Variants in KDR observed in about 807,000 individuals in gnomAD.
The protein encoded by KDR is vascular endothelial growth factor receptor 2.
Under a neutral mutation model 160.9 loss-of-function variants are expected in KDR, and 43 were observed. The ratio of observed to expected loss-of-function variants is 0.27; its 90% CI spans 0.21 to 0.34. KDR has a LOEUF of 0.34. Ranked by LOEUF, KDR falls within the 10% of genes least tolerant of loss-of-function variation. KDR has a pLI of 1.00. For missense variants in KDR, 1,469 were observed against 1,666.4 expected (o/e 0.88, Z 2.06); for synonymous variants, 617 against 600.1 (o/e 1.03, Z -0.41).
chr4:55,113,256 T>A, intron 7 of KDR, 48 bp downstream of exon 7: 5 of 1,574,056 alleles, frequency 3.2e-6, no homozygotes, highest in Non-Finnish European at 4.4e-6. Context: ...TTTATTTAAA[T>A]TATCTCACTT....
chr4:55,092,793 T>A, intron 21 of KDR, 79 bp from the exon 22 acceptor site: 1 of 1,016,310 alleles, frequency 9.8e-7, no homozygotes, highest in East Asian at 2.5e-5. Flanking sequence ...AGAGTAATAA[T>A]CTTTTTAAGA....
rs1280990799 is a variant in KDR at position 55,110,761 on chromosome 4, A to C, written c.984T>G (p.Pro328=). ...NSTFVRVHEK[P]FVAFGSGMES... ...CCATGCCACTTCCAAAAGCAACAAA[A>C]GGTTTTTCTGGAAGAAAATAAAAAA... The change falls in exon 8 of 30, where the codon CCT becomes CCG. Residue 328 remains proline (P), a synonymous_variant. Coordinates refer to ENST00000263923, the MANE Select transcript of KDR (RefSeq NM_002253.4). 1 of 1,598,560 alleles carries C rather than the reference A, an allele frequency of 6.3e-7. No individual in the cohort carries two copies. The highest frequency in any genetic ancestry group is 2.3e-5 in the East Asian group (1 of 44,366).
intron 26 of KDR, among the ~76,000 whole-genome samples, chr4:55,088,664 C>T (rs1464593680): frequency 1.3e-5 from 2 of 152,080 alleles, no homozygotes; most frequent in African/African-American, 4.8e-5. Flanking sequence ...GTGGTCTGCT[C>T]CCGGGTTATA....
chr4:55,098,388 A>G (rs1720216044), intron 16 of KDR, 116 bp from the exon 17 acceptor site: 1 of 1,278,324 alleles, frequency 7.8e-7, no homozygotes, highest in South Asian at 1.3e-5. Context: ...AATAAAACTC[A>G]TGGAGTTTGA....
At position 55,108,100 on chromosome 4, in the gene KDR, C is replaced by T. The variant is rs189959456; in HGVS notation, c.1256-207G>A. Among the ~76,000 whole-genome samples the T allele has an allele frequency of 4.7e-3, 714 of 151,614 alleles. 5 individuals carry two copies. Among genetic ancestry groups the T allele is most frequent in the Non-Finnish European group, 7.4e-3 (502 of 67,908 alleles). On this transcript the variant is annotated intron_variant, in intron 9 of 29. Coordinates refer to ENST00000263923, the MANE Select transcript of KDR (RefSeq NM_002253.4). Reference sequence around the variant, plus strand: ...AACTAGCCAGGCATGGGGGCTTATGCCTGTAATCTCAGTATTTTGGGACGC... The same window carrying T: ...AACTAGCCAGGCATGGGGGCTTATGTCTGTAATCTCAGTATTTTGGGACGC...
chr4:55,105,002 T>C lies in KDR; in HGVS notation c.1646-18A>G, dbSNP rs765117072. 18 of 1,598,590 alleles carry C rather than the reference T, an allele frequency of 1.1e-5. No homozygotes were observed. The African/African-American group carries it at 1.7e-4, about 15-fold the overall frequency. On this transcript the variant is annotated intron_variant, in intron 12 of 29. Coordinates refer to ENST00000263923, the MANE Select transcript of KDR (RefSeq NM_002253.4). Reference sequence around the variant, plus strand: ...AGGACCCCCTAAAATGAAGAGGCCATAGTTATTGAATGGTGATTTAACTTG... The same window carrying C: ...AGGACCCCCTAAAATGAAGAGGCCACAGTTATTGAATGGTGATTTAACTTG...
intron 15 of KDR, 74 bp from the exon 16 acceptor site, chr4:55,098,877 G>T: frequency 1.8e-6 from 2 of 1,135,222 alleles, no homozygotes; most frequent in Non-Finnish European, 1.3e-6. Context: ...ACAAATTTTA[G>T]CACTAAAGCA....
Position 55,092,647 on chromosome 4 carries a change from A to T in KDR, c.3039T>A (p.Ala1013=), listed in dbSNP as rs1305887197. ...GCGATGCCAAGAACTCCATGCCCTTAGCCACTTGGAAGCTGTAACAGATGA... is the reference window on the plus strand; with the variant it reads ...GCGATGCCAAGAACTCCATGCCCTTTGCCACTTGGAAGCTGTAACAGATGA... ...EHLICYSFQV[A]KGMEFLASRK... The change falls in exon 22 of 30, where the codon GCT becomes GCA. Residue 1013 remains alanine, a synonymous_variant. Transcript: ENST00000263923. 1.2e-6 allele frequency: 2 copies of T among 1,613,760 alleles called. No homozygotes were observed. Among genetic ancestry groups the T allele is most frequent in the East Asian group, 2.2e-5 (1 of 44,890 alleles).
intron 1 of KDR, 97 bp from the exon 2 acceptor site, chr4:55,121,287 C>T: frequency 4.9e-6 from 4 of 822,840 alleles, no homozygotes. Context: ...CTTTAAAAGG[C>T]CTCTTCAGCA....
At position 55,079,106 on chromosome 4, in the gene KDR, A is replaced by C. The variant is rs1719656401; in HGVS notation, c.*835T>G. The C allele has an allele frequency of 4.3e-6, 1 of 233,398 alleles. No individual in the cohort carries two copies. The highest frequency in any genetic ancestry group is 8.5e-6 in the Non-Finnish European group (1 of 118,152). The allele number at this position is 233,398 out of a possible 1,614,324, so 14.5% of individuals were successfully genotyped here. On this transcript the variant is annotated 3_prime_UTR_variant, in exon 30 of 30. Transcript: ENST00000263923. ...CTGGTTTGTGCAGTCAGAACTCTTC[A>C]ACACGGCAGGGAGCCTTGAGCTGAA...
intron 26 of KDR, 36 bp from the exon 27 acceptor site, chr4:55,087,794 T>C (rs1033021479): frequency 3.0e-5 from 48 of 1,610,106 alleles, no homozygotes; most frequent in Non-Finnish European, 3.9e-5. Context: ...TTGTTATGGC[T>C]TCAGTTCTTC....
At chr4:55,120,571 C>A (rs571938589) in intron 2 of KDR, among the ~76,000 whole-genome samples, 2 of 152,148 alleles carry the variant, frequency 1.3e-5, no homozygotes, top group African/African-American at 4.8e-5. Flanking sequence ...ATCATGCGCT[C>A]AGTAATATTA....
rs1221512320 is a variant in KDR, at chr4:55,107,718, A to G, written c.1412+19T>C. The G allele has an allele frequency of 6.2e-7, 1 of 1,613,740 alleles. No individual in the cohort carries two copies. The highest frequency in any genetic ancestry group is 8.5e-7 in the Non-Finnish European group (1 of 1,179,696). ...AATGCAAGATGGCAGGAAAGCAAAG[A>G]GCATGTGGCCTTACTCACCTGGGCT... is the stretch of plus-strand genomic sequence containing the variant. On this transcript the variant is annotated intron_variant, in intron 10 of 29. Coordinates refer to ENST00000263923, the MANE Select transcript of KDR (RefSeq NM_002253.4).
At chr4:55,109,022 T>A (rs917294981) in intron 9 of KDR, among the ~76,000 whole-genome samples, 3 of 152,084 alleles carry the variant, frequency 2.0e-5, no homozygotes, top group Non-Finnish European at 4.4e-5. Flanking sequence ...TTATACACTT[T>A]CCAGTTTCTC....
At position 55,079,183 on chromosome 4, in the gene KDR, G is replaced by C; in HGVS notation, c.*758C>G. 1 of 233,502 alleles carries C rather than the reference G, an allele frequency of 4.3e-6. No individual in the cohort carries two copies. The allele number at this position is 233,502 out of a possible 1,614,324, so 14.5% of individuals were successfully genotyped here. On this transcript the variant is annotated 3_prime_UTR_variant, in exon 30 of 30. Coordinates refer to ENST00000263923, the MANE Select transcript of KDR (RefSeq NM_002253.4). ...AAAGGATCAGCCTGGGAGACAAGGA[G>C]CCAGAGCTGCATCATTTCCTTCCTG...
At chr4:55,121,883 T>G (rs1463188406) in intron 1 of KDR, among the ~76,000 whole-genome samples, 1 of 151,992 alleles carries the variant, frequency 6.6e-6, no homozygotes, top group Non-Finnish European at 1.5e-5. Context: ...ATTAATATAC[T>G]TTTCTGTCTA....
intron 22 of KDR, among the ~76,000 whole-genome samples, chr4:55,090,849 C>CTTTTTTTTTTTTTTTTTTTTTTTT (rs61138010): frequency 1.2e-5 from 1 of 84,050 alleles, no homozygotes; most frequent in Non-Finnish European, 2.2e-5. Flanking sequence ...TAGAAGAAAA[C>CTTTTTTTTTTTTTTTTTTTTTTTT]TTTTTTTTTT....
intron 10 of KDR, 48 bp from the exon 11 acceptor site, chr4:55,106,858 A>G (rs540876187): frequency 1.3e-6 from 2 of 1,510,436 alleles, no homozygotes; most frequent in South Asian, 1.1e-5. Flanking sequence ...TTTTTCTTTA[A>G]TTAGAGTCAA....
At chr4:55,111,424 CTT>C (rs2110028866) in intron 7 of KDR, among the ~76,000 whole-genome samples, 1 of 152,280 alleles carries the variant, frequency 6.6e-6, no homozygotes, top group African/African-American at 2.4e-5. Flanking sequence ...ATCTTCCACT[CTT>C]TTTCTCTTAT....
Sources: gnomAD v4.1 joint callset for allele counts (sites outside exome capture counted in the v4.1 genomes callset) on GRCh38, gnomAD v4.1.1 for gene constraint, MANE v1.5 for transcripts, NCBI Gene and HGNC (gene_info 2026-07-23, HGNC 2026-07-21) for gene names.